PCDH10: variants seen among roughly 807,000 people sequenced by gnomAD.
PCDH10 encodes the protein protocadherin 10.
Under a neutral mutation model 74.4 loss-of-function variants are expected in PCDH10, and 15 were observed. The observed-to-expected ratio is 0.20, with a 90% CI of 0.13 to 0.31. The LOEUF is 0.31. Ranked by LOEUF, PCDH10 falls within the 10% of genes least tolerant of loss-of-function variation. PCDH10 has a pLI of 1.00. For missense variants in PCDH10, 1,260 were observed against 1,390.2 expected (o/e 0.91, Z 1.49); for synonymous variants, 619 against 589.8 (o/e 1.05, Z -0.72).
At chr4:133,183,739 A>G (rs1368141558) in intron 4 of PCDH10, among the ~76,000 whole-genome samples, 1 of 152,110 alleles carries the variant, frequency 6.6e-6, no homozygotes, top group Non-Finnish European at 1.5e-5. Context: ...ATCCATTTCT[A>G]ATTCATAGCT....
chr4:133,179,440 A>G (rs1448666438), intron 4 of PCDH10, among the ~76,000 whole-genome samples: 1 of 152,120 alleles, frequency 6.6e-6, no homozygotes, highest in African/African-American at 2.4e-5. Context: ...TTTCTGTTTC[A>G]CATCATTTAA....
chr4:133,177,400 C>A (rs1404405826), intron 4 of PCDH10, among the ~76,000 whole-genome samples: 1 of 152,008 alleles, frequency 6.6e-6, no homozygotes, highest in Non-Finnish European at 1.5e-5. Flanking sequence ...TTGAAAGAAA[C>A]CCCAAACTTT....
intron 3 of PCDH10, among the ~76,000 whole-genome samples, chr4:133,157,201 T>A (rs1002006477): frequency 1.3e-5 from 2 of 152,236 alleles, no homozygotes; most frequent in Non-Finnish European, 2.9e-5. Context: ...TGTTAAGAAG[T>A]GATTGCACCT....
At chr4:133,165,925 C>T (rs1727071043) in intron 4 of PCDH10, among the ~76,000 whole-genome samples, 1 of 151,688 alleles carries the variant, frequency 6.6e-6, no homozygotes. Context: ...AAATAATGTA[C>T]TTCATGTTCT....
chr4:133,204,529 G>A (rs1017018323), intron 2 of PCDH10, among the ~76,000 whole-genome samples: 3 of 152,278 alleles, frequency 2.0e-5, no homozygotes, highest in South Asian at 4.1e-4. Flanking sequence ...CCCATGTATA[G>A]TCAATTAACA....
At chr4:133,201,526 G>A (rs535631970) in intron 2 of PCDH10, among the ~76,000 whole-genome samples, 1 of 152,190 alleles carries the variant, frequency 6.6e-6, no homozygotes, top group South Asian at 2.1e-4. Context: ...AAATCTGTGG[G>A]GCTGGGACTG....
Position 133,190,207 on chromosome 4 carries a change from G to T in PCDH10, c.*47G>T. ...GAAGCAGCATGATTTGCACAAAGTC[G>T]ACCAACAAAAGCATCAACTTTTCAA... On this transcript the variant is annotated 3_prime_UTR_variant, in exon 5 of 5. Transcript: ENST00000264360. The T allele has an allele frequency of 1.3e-6, 2 of 1,568,656 alleles. No individual in the cohort carries two copies. The highest frequency in any genetic ancestry group is 1.1e-5 in the South Asian group (1 of 90,110).
chr4:133,156,870 T>C (rs2125860972), intron 3 of PCDH10, among the ~76,000 whole-genome samples: 1 of 152,288 alleles, frequency 6.6e-6, no homozygotes, highest in East Asian at 1.9e-4. Flanking sequence ...GAACATATTC[T>C]TATCAGTGCA....
Position 133,151,733 on chromosome 4 carries a change from C to A in PCDH10, c.1593C>A (p.Phe531Leu). 6.2e-7 allele frequency: 1 copy of A among 1,613,192 alleles called. No homozygotes were observed. ...ENGYLYALRS[F>L]DYEQLKDFSF... Reference sequence around the variant, plus strand: ...GCTACTTGTACGCCCTGCGCTCCTTCGACTATGAGCAGCTGAAGGACTTCA... The same window carrying A: ...GCTACTTGTACGCCCTGCGCTCCTTAGACTATGAGCAGCTGAAGGACTTCA... Residue 531 changes from phenylalanine (F) to leucine (L), a missense_variant, in exon 1 of 5, where the codon TTC becomes TTA. Coordinates refer to ENST00000264360, the MANE Select transcript of PCDH10 (RefSeq NM_032961.3).
intron 4 of PCDH10, among the ~76,000 whole-genome samples, chr4:133,166,812 A>T (rs1369216728): frequency 6.6e-6 from 1 of 151,512 alleles, no homozygotes; most frequent in Non-Finnish European, 1.5e-5. Flanking sequence ...TCAATTCCTA[A>T]AAATTGAAGA....
chr4:133,156,227 C>A (rs766602098), intron 3 of PCDH10, among the ~76,000 whole-genome samples: 2 of 152,190 alleles, frequency 1.3e-5, no homozygotes, highest in Non-Finnish European at 2.9e-5. Flanking sequence ...GCAGTGGTTG[C>A]TACAAGCCTC....
chr4:133,188,258 G>A (rs1282662169), intron 4 of PCDH10, among the ~76,000 whole-genome samples: 1 of 152,002 alleles, frequency 6.6e-6, no homozygotes, highest in Non-Finnish European at 1.5e-5. Context: ...CAAATTATTT[G>A]GTGACCGTAA....
intron 4 of PCDH10, among the ~76,000 whole-genome samples, chr4:133,171,629 TA>T (rs148382615): frequency 4.6e-5 from 7 of 152,256 alleles, no homozygotes; most frequent in African/African-American, 1.7e-4. Context: ...TATGTAAGCT[TA>T]AATGTTTCAC....
intron 3 of PCDH10, among the ~76,000 whole-genome samples, chr4:133,160,263 T>G (rs1726940455): frequency 6.6e-6 from 1 of 151,962 alleles, no homozygotes; most frequent in South Asian, 2.1e-4. Flanking sequence ...TTCCTTCTAG[T>G]TATATGAAGC....
intron 4 of PCDH10, among the ~76,000 whole-genome samples, chr4:133,168,191 A>G (rs939734772): frequency 6.6e-6 from 1 of 151,286 alleles, no homozygotes; most frequent in Non-Finnish European, 1.5e-5. Context: ...ATAGTCGTCT[A>G]TCTCAGCTAG....
At chr4:133,201,349 C>T (rs1175170214) in intron 2 of PCDH10, among the ~76,000 whole-genome samples, 2 of 152,170 alleles carry the variant, frequency 1.3e-5, no homozygotes, top group South Asian at 2.1e-4. Context: ...TGGAGACACA[C>T]ACACCTAACA....
At chr4:133,163,373 G>T (rs1187478057) in intron 4 of PCDH10, 91 bp downstream of exon 4, 14 of 1,187,904 alleles carry the variant, frequency 1.2e-5, no homozygotes, top group East Asian at 9.5e-5. Context: ...TGGAGTTCAG[G>T]TTTTTTTAAG....
At chr4:133,187,257 T>A (rs1413538690) in intron 4 of PCDH10, among the ~76,000 whole-genome samples, 1 of 152,084 alleles carries the variant, frequency 6.6e-6, no homozygotes, top group African/African-American at 2.4e-5. Context: ...GAGTACTGCC[T>A]TGAATTTATG....
intron 4 of PCDH10, among the ~76,000 whole-genome samples, chr4:133,166,649 A>G (rs1727088398): frequency 6.6e-6 from 1 of 151,578 alleles, no homozygotes. Flanking sequence ...ATTCCTGCTT[A>G]TGATTTTGGC....
Sources: allele counts gnomAD v4.1 joint callset (sites outside exome capture counted in the v4.1 genomes callset), GRCh38; gene constraint gnomAD v4.1.1; transcripts MANE v1.5; gene names NCBI Gene and HGNC (gene_info 2026-07-23, HGNC 2026-07-21).